Variants in SCAF8 observed in about 807,000 individuals in gnomAD.
SCAF8 encodes the protein SR-related and CTD-associated factor 8.
In SCAF8, 23 loss-of-function variants were observed where a neutral mutation model predicts 140.5. The ratio of observed to expected loss-of-function variants is 0.16; its 90% CI spans 0.12 to 0.23. The LOEUF is 0.23. SCAF8 is among the 10% of genes least tolerant of loss of function. SCAF8 has a pLI of 1.00. For missense variants in SCAF8, 1,397 were observed against 1,555.7 expected (o/e 0.90, Z 1.72); for synonymous variants, 575 against 528.9 (o/e 1.09, Z -1.20).
At chr6:154,817,010 C>T (rs984630100) in intron 13 of SCAF8, among the ~76,000 whole-genome samples, 41 of 147,900 alleles carry the variant, frequency 2.8e-4, no homozygotes, top group Non-Finnish European at 3.0e-5. Flanking sequence ...AGAGTGCTGT[C>T]GACCTCTCTT....
At chr6:154,734,041 G>T (rs373507107) in intron 1 of SCAF8, 111 bp downstream of exon 1, 2 of 1,401,202 alleles carry the variant, frequency 1.4e-6, no homozygotes, top group Middle Eastern at 2.7e-4. Flanking sequence ...AGGGTGGGGT[G>T]AGCGGTGGCC....
At chr6:154,738,972 A>G (rs944642291) in intron 1 of SCAF8, among the ~76,000 whole-genome samples, 26 of 152,252 alleles carry the variant, frequency 1.7e-4, no homozygotes, top group Non-Finnish European at 2.6e-4. Context: ...TTGAGAGGGC[A>G]TTTTAAAATA....
rs776360206 is a variant in SCAF8 at position 154,827,213 on chromosome 6, C to T, written c.2113C>T (p.Pro705Ser). Residue 705 changes from proline (P) to serine (S), a missense_variant, in exon 18 of 20, where the codon CCT becomes TCT. Physicochemically the swap from Pro to Ser is moderately conservative, Grantham distance 74. Around this residue, in one of 5 missense-constraint regions of SCAF8, gnomAD observed 930 missense variants for 874.6 expected, o/e 1.06. Coordinates refer to ENST00000367178, the MANE Select transcript of SCAF8 (RefSeq NM_014892.5). ...AGTTCCCCCACCTGTTGTGCCACCCCCTACGATTCCACCAGTAGTACCAAC... is the reference window on the plus strand; with the variant it reads ...AGTTCCCCCACCTGTTGTGCCACCCTCTACGATTCCACCAGTAGTACCAAC... ...PPVPPPVVPP[P>S]TIPPVVPTSL... is the part of the protein sequence containing the mutation. 2 of 1,604,852 alleles carry T rather than the reference C, an allele frequency of 1.2e-6. No homozygotes were observed. Among genetic ancestry groups the T allele is most frequent in the Non-Finnish European group, 1.7e-6 (2 of 1,176,148 alleles).
chr6:154,818,041 A>G (rs535998224), intron 13 of SCAF8, among the ~76,000 whole-genome samples: 1 of 152,296 alleles, frequency 6.6e-6, no homozygotes, highest in African/African-American at 2.4e-5. Flanking sequence ...TCCTCTTTGC[A>G]TTACTCAGTA....
intron 18 of SCAF8, among the ~76,000 whole-genome samples, chr6:154,829,726 G>T (rs773027851): frequency 6.6e-6 from 1 of 152,092 alleles, no homozygotes; most frequent in Non-Finnish European, 1.5e-5. Context: ...GGCCAACATG[G>T]TGAAACCCCG....
chr6:154,827,047 A>G lies in SCAF8; in HGVS notation c.2072-125A>G, dbSNP rs186103821. 8.9e-4 allele frequency: 649 copies of G among 728,018 alleles called. 6 individuals are homozygous for G. In the African/African-American group the frequency reaches 0.011, roughly 12 times the overall value. The allele number at this position is 728,018 out of a possible 1,614,324, so 45.1% of individuals were successfully genotyped here. ...AAGCCATTTCTAAAATAGAAAAAAT[A>G]TATATAAATATGAGGTTGTAGTCCA... On this transcript the variant is annotated intron_variant, in intron 17 of 19. Transcript: ENST00000367178.
intron 3 of SCAF8, among the ~76,000 whole-genome samples, chr6:154,784,124 T>TATATATATATATAG (rs1245993080): frequency 1.9e-4 from 7 of 37,166 alleles, no homozygotes; most frequent in Non-Finnish European, 2.7e-4. Context: ...TCTTGAGATA[T>TATATATATATATAG]ATATATATAT....
Position 154,733,594 on chromosome 6 carries a change from G to A in SCAF8, c.-307G>A. 1.5e-6 allele frequency: 2 copies of A among 1,291,320 alleles called. No individual in the cohort carries two copies. The highest frequency in any genetic ancestry group is 3.2e-5 in the East Asian group (1 of 31,732). 80.0% of individuals were successfully genotyped at this position (1,291,320 alleles called of 1,614,324 possible). On this transcript the variant is annotated 5_prime_UTR_variant, in exon 1 of 20. Coordinates refer to ENST00000367178, the MANE Select transcript of SCAF8 (RefSeq NM_014892.5). ...GGGAGGGGGACCGAAACGGAGCGGG[G>A]CAGAGAAGAGAAGGCGCCGCGGCCC...
intron 2 of SCAF8, among the ~76,000 whole-genome samples, chr6:154,776,339 A>T (rs143736690): frequency 6.6e-6 from 1 of 151,812 alleles, no homozygotes; most frequent in Non-Finnish European, 1.5e-5. Flanking sequence ...CATTTTATCA[A>T]TCAGATTTAA....
At chr6:154,736,902 A>G (rs535603738) in intron 1 of SCAF8, among the ~76,000 whole-genome samples, 1 of 151,752 alleles carries the variant, frequency 6.6e-6, no homozygotes, top group East Asian at 1.9e-4. Context: ...AGTTAGCTTA[A>G]AAATAGCAGT....
chr6:154,784,695 G>A (rs558762327), intron 3 of SCAF8, among the ~76,000 whole-genome samples: 2 of 152,288 alleles, frequency 1.3e-5, no homozygotes, highest in African/African-American at 2.4e-5. Flanking sequence ...GATGATGTCC[G>A]TAGGTTATAT....
At chr6:154,739,273 T>C (rs951308471) in intron 1 of SCAF8, among the ~76,000 whole-genome samples, 4 of 152,202 alleles carry the variant, frequency 2.6e-5, no homozygotes, top group African/African-American at 7.2e-5. Flanking sequence ...ATTACAGGTG[T>C]GGGCCACTGC....
In SCAF8 at chr6:154,822,323, A is replaced by G. The variant is rs1482221264; in HGVS notation, c.1840A>G (p.Thr614Ala). Reference sequence around the variant, plus strand: ...AGAACCTGTTAAAGAGACGGTCCAGACAACTCAGAGCCCAACTCCAGTTGA... The same window carrying G: ...AGAACCTGTTAAAGAGACGGTCCAGGCAACTCAGAGCCCAACTCCAGTTGA... Reference protein sequence around the residue: ...SSEPVKETVQTTQSPTPVEKE... With the variant: ...SSEPVKETVQATQSPTPVEKE... Residue 614 changes from threonine to alanine, a missense_variant, in exon 16 of 20, where the codon ACA (threonine) becomes GCA (alanine). Thr to Ala is a moderately conservative substitution (Grantham distance 58). Around this residue, in one of 5 missense-constraint regions of SCAF8, gnomAD observed 930 missense variants for 874.6 expected, o/e 1.06. Coordinates refer to ENST00000367178, the MANE Select transcript of SCAF8 (RefSeq NM_014892.5). The G allele has an allele frequency of 6.2e-7, 1 of 1,613,648 alleles. No individual in the cohort carries two copies. The highest frequency in any genetic ancestry group is 8.5e-7 in the Non-Finnish European group (1 of 1,179,670).
chr6:154,755,451 G>C (rs1488662057), intron 1 of SCAF8, among the ~76,000 whole-genome samples: 2 of 152,020 alleles, frequency 1.3e-5, no homozygotes, highest in Non-Finnish European at 2.9e-5. Context: ...ATGGGGTTTT[G>C]TCATGTCCAG....
intron 17 of SCAF8, among the ~76,000 whole-genome samples, chr6:154,825,539 G>A (rs1354877378): frequency 6.7e-6 from 1 of 150,006 alleles, no homozygotes; most frequent in Non-Finnish European, 1.5e-5. Context: ...CAGGTGAGGT[G>A]GTACACACCT....
intron 2 of SCAF8, 43 bp from the exon 3 acceptor site, chr6:154,777,958 C>A: frequency 1.6e-6 from 2 of 1,275,620 alleles, no homozygotes; most frequent in South Asian, 1.2e-5. Flanking sequence ...TCAATCTCCT[C>A]AAACTGATTT....
chr6:154,750,121 G>A (rs1386006739), intron 1 of SCAF8, among the ~76,000 whole-genome samples: 1 of 149,514 alleles, frequency 6.7e-6, no homozygotes, highest in African/African-American at 2.5e-5. Context: ...GGGGGGGATA[G>A]GGTGGATGGG....
intron 6 of SCAF8, among the ~76,000 whole-genome samples, chr6:154,797,537 A>G (rs929084723): frequency 6.6e-6 from 1 of 151,284 alleles, no homozygotes; most frequent in Non-Finnish European, 1.5e-5. Flanking sequence ...CTGGGACTAT[A>G]GGCACCTGCC....
chr6:154,793,738 C>T (rs1777494002), intron 5 of SCAF8, among the ~76,000 whole-genome samples: 1 of 148,560 alleles, frequency 6.7e-6, no homozygotes, highest in African/African-American at 2.5e-5. Context: ...TCGCTTGAAC[C>T]CAGGAGGCGG....
Sources: allele counts gnomAD v4.1 joint callset (sites outside exome capture counted in the v4.1 genomes callset), GRCh38; gene constraint gnomAD v4.1.1; regional missense constraint gnomAD v4.1.1; transcripts MANE v1.5; gene names NCBI Gene and HGNC (gene_info 2026-07-23, HGNC 2026-07-21).